MTHFSD: variants seen among roughly 807,000 people sequenced by gnomAD.
MTHFSD encodes the protein methenyltetrahydrofolate synthetase domain containing.
Under a neutral mutation model 31.1 loss-of-function variants are expected in MTHFSD, and 37 were observed. The ratio of observed to expected loss-of-function variants is 1.19; its 90% CI spans 0.91 to 1.56. The LOEUF (loss-of-function observed/expected upper bound fraction) is 1.56, where lower values mean the gene tolerates loss of function less well. Ranked by LOEUF, MTHFSD falls within the 40% of genes most tolerant of loss-of-function variation. MTHFSD has a pLI of 0.00. For missense variants in MTHFSD, 664 were observed against 510.1 expected, an observed-to-expected ratio of 1.30 and a Z score of -2.91; for synonymous variants, 221 against 206.9, an observed-to-expected ratio of 1.07 and a Z score of -0.59.
At chr16:86,538,082 C>A (rs1218892014) in intron 7 of MTHFSD, among the ~76,000 whole-genome samples, 5 of 152,240 alleles carry the variant, frequency 3.3e-5, no homozygotes, top group Non-Finnish European at 7.3e-5. Context: ...GGACCACAGG[C>A]TTGTGGGTGC....
chr16:86,542,428 C>T lies in MTHFSD; in HGVS notation c.443-215G>A. 4 of 564,030 alleles carry T rather than the reference C, an allele frequency of 7.1e-6. No homozygotes were observed. Among genetic ancestry groups the T allele is most frequent in the South Asian group, 6.4e-5 (3 of 47,154 alleles). The allele number at this position is 564,030 out of a possible 1,614,324, so 34.9% of individuals were successfully genotyped here. ...ACAGGAATAACAACACGGCCAATGT[C>T]AGGTGGTGAAACTACAATGACGTGA... On this transcript the variant is annotated intron_variant, in intron 5 of 7. Coordinates refer to ENST00000360900, the MANE Select transcript of MTHFSD (RefSeq NM_001159377.2). The surrounding 1 kb of genome is among the most constrained non-coding windows in gnomAD (Gnocchi z 4.6).
At chr16:86,552,976 C>A (rs1169403679) in intron 2 of MTHFSD, among the ~76,000 whole-genome samples, 1 of 152,184 alleles carries the variant, frequency 6.6e-6, no homozygotes, top group Non-Finnish European at 1.5e-5. Flanking sequence ...TGCATTGCCT[C>A]TTCCGAGTAA....
rs201340675 is a variant in MTHFSD at position 86,542,128 on chromosome 16, C to T, written c.528G>A (p.Pro176=). 17 of 1,613,656 alleles carry T rather than the reference C, an allele frequency of 1.1e-5. No individual in the cohort carries two copies. The highest frequency in any genetic ancestry group is 1.6e-4 in the Middle Eastern group (1 of 6,062). ...GGCAGTCGTGGACGATGGTGACCAC[C>T]GGCGTCTCCTTGCTGACGGCGCCCA... The part of the protein sequence containing the change: ...VSMGAVSKET[P]VVTIVHDCQV... The change falls in exon 6 of 8, where the codon CCG becomes CCA. Residue 176 remains proline, a synonymous_variant. Coordinates refer to ENST00000360900, the MANE Select transcript of MTHFSD (RefSeq NM_001159377.2). This position sits in a 1 kb window ranked among gnomAD's most constrained non-coding sequence, Gnocchi z 4.6.
At chr16:86,546,201 GT>G (rs1196036384) in intron 5 of MTHFSD, among the ~76,000 whole-genome samples, 1 of 152,234 alleles carries the variant, frequency 6.6e-6, no homozygotes, top group Non-Finnish European at 1.5e-5. Context: ...GGAACCTACT[GT>G]TTTTCCATTT....
At chr16:86,541,570 G>T in intron 7 of MTHFSD, 127 bp downstream of exon 7, 1 of 1,347,598 alleles carries the variant, frequency 7.4e-7, no homozygotes, top group Non-Finnish European at 1.0e-6. Context: ...TTGCTCAAAA[G>T]CTCCTTGGGT....
intron 3 of MTHFSD, 121 bp downstream of exon 3, chr16:86,551,912 G>A: frequency 6.6e-7 from 1 of 1,506,428 alleles, no homozygotes; most frequent in South Asian, 1.3e-5. Context: ...TTTCTGTATT[G>A]GAGGGAATCG....
In MTHFSD at chr16:86,548,549, G is replaced by T. The variant is rs745907008; in HGVS notation, c.266C>A (p.Pro89Gln). 4.3e-6 allele frequency: 7 copies of T among 1,611,964 alleles called. No individual in the cohort carries two copies. The South Asian group carries it at 7.7e-5, about 18-fold the overall frequency. Residue 89 changes from proline to glutamine, a missense_variant, in exon 4 of 8, where the codon CCA becomes CAA. By Grantham distance (76) the Pro-to-Gln change is moderately conservative. Transcript: ENST00000360900. ...ATTAAACAATCCCGTTCTCAGTCGTGGTGTTGGAACCAACAATGTTTTTTT... is the reference window on the plus strand; with the variant it reads ...ATTAAACAATCCCGTTCTCAGTCGTTGTGTTGGAACCAACAATGTTTTTTT... The part of the protein sequence containing the change: ...QSKKTLLVPT[P>Q]RLRTGLFNKI...
intron 6 of MTHFSD, 116 bp downstream of exon 6, chr16:86,541,985 G>A: frequency 7.5e-7 from 1 of 1,333,352 alleles, no homozygotes; most frequent in Non-Finnish European, 1.0e-6. Flanking sequence ...AGCCCTGGCT[G>A]ATCCACACCA....
chr16:86,541,965 T>G, intron 6 of MTHFSD, 136 bp downstream of exon 6: 1 of 1,359,524 alleles, frequency 7.4e-7, no homozygotes, highest in Non-Finnish European at 1.0e-6. Flanking sequence ...GCTGTACCAC[T>G]AGCAAGTCCA....
intron 3 of MTHFSD, among the ~76,000 whole-genome samples, chr16:86,549,392 C>T (rs564793025): frequency 6.6e-6 from 1 of 152,348 alleles, no homozygotes; most frequent in East Asian, 1.9e-4. Context: ...AGTTTTTGAG[C>T]AGGAGATGAC....
chr16:86,552,945 A>T (rs1176638357), intron 2 of MTHFSD, among the ~76,000 whole-genome samples: 1 of 152,044 alleles, frequency 6.6e-6, no homozygotes, highest in Non-Finnish European at 1.5e-5. Flanking sequence ...GAAAATAGGC[A>T]TGTCAAAGAT....
chr16:86,555,228 C>T lies in MTHFSD; in HGVS notation c.-44G>A. 6.5e-7 allele frequency: 1 copy of T among 1,535,058 alleles called. No homozygotes were observed. Among genetic ancestry groups the T allele is most frequent in the East Asian group, 2.4e-5 (1 of 40,896 alleles). On this transcript the variant is annotated 5_prime_UTR_variant, in exon 1 of 8. Transcript: ENST00000360900. ...CGACGCTTCCCGGCGCAGGTTCTGG[C>T]GCGTAGTGACGTCACCCGCTCCGCG...
Position 86,532,255 on chromosome 16 carries a change from G to A in MTHFSD, c.908C>T (p.Pro303Leu), listed in dbSNP as rs763356149. The stretch of plus-strand genomic sequence containing the variant: ...CCCAACGTAAACATCGGCTGCAAGC[G>A]GGGCACCCTCCCCTGGTGGGGAGCC... Reference protein sequence around the residue: ...APGSPPGEGAPLAADVYVGNL... With the variant: ...APGSPPGEGALLAADVYVGNL... Residue 303 changes from proline (P) to leucine (L), a missense_variant, in exon 8 of 8, where the codon CCG becomes CTG. Pro to Leu is a moderately conservative substitution (Grantham distance 98). Transcript: ENST00000360900. The A allele has an allele frequency of 1.5e-5, 24 of 1,568,690 alleles. No individual in the cohort carries two copies. The highest frequency in any genetic ancestry group is 9.5e-5 in the African/African-American group (7 of 73,524).
intron 3 of MTHFSD, 42 bp downstream of exon 3, chr16:86,551,991 T>C (rs1321925329): frequency 1.2e-6 from 2 of 1,611,950 alleles, no homozygotes; most frequent in Non-Finnish European, 1.7e-6. Flanking sequence ...GGTGTCCCCC[T>C]TGGCGGCCAG....
At chr16:86,554,510 C>A in intron 2 of MTHFSD, 135 bp downstream of exon 2, 1 of 727,764 alleles carries the variant, frequency 1.4e-6, no homozygotes, top group African/African-American at 1.8e-5. Flanking sequence ...GGCCAAATGG[C>A]TTTGATTTCA....
intron 1 of MTHFSD, 59 bp downstream of exon 1, chr16:86,555,110 C>T: frequency 6.6e-7 from 1 of 1,526,700 alleles, no homozygotes. Flanking sequence ...TCGACCCTCA[C>T]CGGTCCCGGC....
chr16:86,540,651 A>G, intron 7 of MTHFSD: 3 of 984,266 alleles, frequency 3.0e-6, no homozygotes, highest in Non-Finnish European at 3.6e-6. Flanking sequence ...TGTCTCGTGC[A>G]TTGGCTTCCA....
intron 7 of MTHFSD, among the ~76,000 whole-genome samples, chr16:86,540,368 T>C (rs1299243147): frequency 6.6e-6 from 1 of 152,200 alleles, no homozygotes; most frequent in Non-Finnish European, 1.5e-5. Context: ...TGAGTTTGGT[T>C]TGCTTTTCTG....
chr16:86,550,379 G>C (rs147710098), intron 3 of MTHFSD, among the ~76,000 whole-genome samples: 1 of 152,246 alleles, frequency 6.6e-6, no homozygotes, highest in Non-Finnish European at 1.5e-5. Context: ...GCTCAGGGCT[G>C]CACCCCTCTT....
Sources: gnomAD v4.1 joint callset for allele counts (sites outside exome capture counted in the v4.1 genomes callset) on GRCh38, gnomAD v4.1.1 for gene constraint, Gnocchi (gnomAD v3.1) non-coding constraint, MANE v1.5 for transcripts, NCBI Gene and HGNC (gene_info 2026-07-23, HGNC 2026-07-21) for gene names.